NRG3: variants seen among roughly 807,000 people sequenced by gnomAD.
NRG3 encodes pro-neuregulin-3, membrane-bound isoform.
Under a neutral mutation model 66.9 loss-of-function variants are expected in NRG3, and 31 were observed. That is an observed-to-expected ratio of 0.46 (90% CI 0.35 to 0.63). The LOEUF is 0.63. Among genes scored for constraint, NRG3 ranks in the 20% least tolerant of loss-of-function variants. The probability of loss-of-function intolerance (pLI) is 0.00; values close to 1 mark genes in which losing one functional copy is unlikely to be tolerated. For missense variants in NRG3, 910 were observed against 878.9 expected, an observed-to-expected ratio of 1.04 and a Z score of -0.45; for synonymous variants, 393 against 359.4, an observed-to-expected ratio of 1.09 and a Z score of -1.06.
intron 1 of NRG3, among the ~76,000 whole-genome samples, chr10:82,339,829 G>A (rs936084501): frequency 6.6e-6 from 1 of 151,826 alleles, no homozygotes; most frequent in Admixed American, 6.6e-5. Context: ...CCATGTCTAG[G>A]AAGTTGTATC....
chr10:82,261,912 A>G (rs769618609), intron 1 of NRG3, among the ~76,000 whole-genome samples: 4 of 152,132 alleles, frequency 2.6e-5, no homozygotes, highest in Non-Finnish European at 4.4e-5. Context: ...GATTTTGTTT[A>G]TGACCAGTTT....
At chr10:82,232,905 A>T in intron 1 of NRG3, 1 of 701,930 alleles carries the variant, frequency 1.4e-6, no homozygotes, top group East Asian at 2.7e-5. Context: ...TACTTTGAAT[A>T]ATTTCTCCAG....
intron 2 of NRG3, among the ~76,000 whole-genome samples, chr10:82,651,531 G>A (rs1216915751): frequency 2.6e-5 from 4 of 152,204 alleles, no homozygotes; most frequent in African/African-American, 9.6e-5. Context: ...CTGTCCTGTG[G>A]AGAAGCCTAC....
intron 1 of NRG3, among the ~76,000 whole-genome samples, chr10:81,981,506 G>A (rs560113126): frequency 1.3e-5 from 2 of 152,290 alleles, no homozygotes; most frequent in East Asian, 1.9e-4. Context: ...TGTTGCCTTA[G>A]CCCTGGGAAA....
intron 1 of NRG3, among the ~76,000 whole-genome samples, chr10:82,279,363 C>G (rs954301309): frequency 5.3e-5 from 8 of 152,124 alleles, no homozygotes; most frequent in African/African-American, 1.9e-4. Flanking sequence ...TGTTTGCAAT[C>G]CTTTTTTAAA....
intron 2 of NRG3, among the ~76,000 whole-genome samples, chr10:82,578,355 T>C (rs924208471): frequency 4.0e-5 from 6 of 149,236 alleles, no homozygotes; most frequent in Non-Finnish European, 9.0e-5. Flanking sequence ...AAATATTTTC[T>C]GTTAAAACCC....
chr10:82,614,218 A>G (rs1363595851), intron 2 of NRG3, among the ~76,000 whole-genome samples: 1 of 152,178 alleles, frequency 6.6e-6, no homozygotes, highest in Non-Finnish European at 1.5e-5. Flanking sequence ...TACTTTAACA[A>G]CAGACCATGT....
At chr10:82,559,149 CTCTT>C (rs904799027) in intron 2 of NRG3, among the ~76,000 whole-genome samples, 1 of 151,078 alleles carries the variant, frequency 6.6e-6, no homozygotes, top group African/African-American at 2.4e-5. Context: ...ATTTTTTTTT[CTCTT>C]TCTTCCTAAT....
chr10:81,905,057 TC>T (rs1056179490), intron 1 of NRG3, among the ~76,000 whole-genome samples: 24 of 152,170 alleles, frequency 1.6e-4, no homozygotes, highest in African/African-American at 5.8e-4. Flanking sequence ...CTCCTCCTCC[TC>T]CCGGCTTCAT....
chr10:82,558,546 C>T (rs1384697826), intron 2 of NRG3, among the ~76,000 whole-genome samples: 1 of 152,100 alleles, frequency 6.6e-6, no homozygotes, highest in African/African-American at 2.4e-5. Flanking sequence ...GAGGGGGTTC[C>T]TCGATTGCAT....
chr10:82,656,846 A>G (rs928773714), intron 2 of NRG3, among the ~76,000 whole-genome samples: 1 of 152,154 alleles, frequency 6.6e-6, no homozygotes, highest in Non-Finnish European at 1.5e-5. Context: ...AAAATAAAAG[A>G]TCTCTTTAAA....
At chr10:82,193,987 G>A (rs2074311914) in intron 1 of NRG3, among the ~76,000 whole-genome samples, 1 of 152,136 alleles carries the variant, frequency 6.6e-6, no homozygotes, top group African/African-American at 2.4e-5. Flanking sequence ...CAGCGAGGAA[G>A]AATTGGCAAA....
chr10:82,507,056 C>T (rs1263990147), intron 2 of NRG3, among the ~76,000 whole-genome samples: 1 of 152,096 alleles, frequency 6.6e-6, no homozygotes, highest in East Asian at 1.9e-4. Context: ...AAATTGTGTT[C>T]AGAACAATGC....
intron 4 of NRG3, among the ~76,000 whole-genome samples, chr10:82,905,590 T>C (rs1255440748): frequency 6.6e-6 from 1 of 152,188 alleles, no homozygotes; most frequent in Non-Finnish European, 1.5e-5. Context: ...TGCAAAAATC[T>C]TGGGGAAAGT....
intron 3 of NRG3, among the ~76,000 whole-genome samples, chr10:82,837,158 T>G (rs986358573): frequency 3.9e-5 from 6 of 152,218 alleles, no homozygotes; most frequent in Non-Finnish European, 5.9e-5. Flanking sequence ...GACATTTGGC[T>G]TGGTTCCAAG....
intron 2 of NRG3, among the ~76,000 whole-genome samples, chr10:82,426,297 C>T (rs1347685920): frequency 1.3e-5 from 2 of 152,120 alleles, no homozygotes; most frequent in Admixed American, 1.3e-4. Context: ...ATTTTAATTT[C>T]TCATTATAGT....
intron 1 of NRG3, among the ~76,000 whole-genome samples, chr10:82,203,807 A>G (rs1485142722): frequency 6.6e-6 from 1 of 152,182 alleles, no homozygotes; most frequent in Non-Finnish European, 1.5e-5. Context: ...GATGGGTCAA[A>G]TATTTAACAA....
intron 1 of NRG3, among the ~76,000 whole-genome samples, chr10:82,336,529 C>CTTTTTT (rs11345974): frequency 7.3e-6 from 1 of 137,826 alleles, no homozygotes; most frequent in Non-Finnish European, 1.6e-5. Context: ...CTTTTCTTTT[C>CTTTTTT]TTTTTTTTTT....
chr10:82,311,936 A>T (rs998558720), intron 1 of NRG3, among the ~76,000 whole-genome samples: 1 of 152,336 alleles, frequency 6.6e-6, no homozygotes, highest in South Asian at 2.1e-4. Flanking sequence ...ATTACAGAAC[A>T]TTCTGGCTCT....
Sources: allele counts gnomAD v4.1 joint callset (sites outside exome capture counted in the v4.1 genomes callset), GRCh38; gene constraint gnomAD v4.1.1; transcripts MANE v1.5; gene names NCBI Gene and HGNC (gene_info 2026-07-23, HGNC 2026-07-21).